ACYP2: variants seen among roughly 807,000 people sequenced by gnomAD.
ACYP2 encodes acylphosphatase-2.
A neutral mutation model predicts 11.2 loss-of-function variants in ACYP2; 12 were observed. That is an observed-to-expected ratio of 1.08 (90% CI 0.69 to 1.74). The LOEUF (loss-of-function observed/expected upper bound fraction) is 1.74, where lower values mean the gene tolerates loss of function less well. ACYP2 is among the 40% of genes most tolerant of loss of function. The pLI, the probability that ACYP2 is intolerant of heterozygous loss-of-function variation, is 0.00. For missense variants in ACYP2, 134 were observed against 101.9 expected (o/e 1.31, Z -1.35); for synonymous variants, 43 against 32.2 (o/e 1.33, Z -1.13).
chr2:54,076,505 C>A (rs1167302299), intron 4 of ACYP2, among the ~76,000 whole-genome samples: 1 of 152,062 alleles, frequency 6.6e-6, no homozygotes, highest in African/African-American at 2.4e-5. Flanking sequence ...ACTAAATAAT[C>A]TACCCAGACA....
chr2:54,136,397 C>G (rs529023893), intron 5 of ACYP2, among the ~76,000 whole-genome samples: 3 of 152,236 alleles, frequency 2.0e-5, no homozygotes, highest in Admixed American at 6.5e-5. Flanking sequence ...TTTTCACCTA[C>G]TATCTGAGGT....
At chr2:54,255,847 G>T (rs1687489995) in intron 6 of ACYP2, 1 of 1,614,054 alleles carries the variant, frequency 6.2e-7, no homozygotes. Context: ...CAGCGAGGCA[G>T]AGGCCGCTTC....
intron 6 of ACYP2, among the ~76,000 whole-genome samples, chr2:54,207,261 A>G (rs1685117102): frequency 6.7e-6 from 1 of 149,428 alleles, no homozygotes; most frequent in Non-Finnish European, 1.5e-5. Flanking sequence ...GCAAGTTGGA[A>G]TTTGTAGGGA....
chr2:54,299,568 G>T (rs1277106394), intron 6 of ACYP2, among the ~76,000 whole-genome samples: 2 of 150,186 alleles, frequency 1.3e-5, no homozygotes, highest in South Asian at 4.3e-4. Flanking sequence ...CTCCAGCCTG[G>T]GCGACAGAGC....
At chr2:53,999,180 C>T (rs143753849) in intron 2 of ACYP2, among the ~76,000 whole-genome samples, 1 of 152,260 alleles carries the variant, frequency 6.6e-6, no homozygotes, top group East Asian at 1.9e-4. Flanking sequence ...TTTTTAATAG[C>T]CCCAAAACTT....
chr2:54,237,221 A>G (rs1191452697), intron 6 of ACYP2, among the ~76,000 whole-genome samples: 1 of 152,222 alleles, frequency 6.6e-6, no homozygotes, highest in African/African-American at 2.4e-5. Flanking sequence ...CCACATGGAT[A>G]CCTGAAGGCC....
rs201390662 is a variant in ACYP2, at chr2:53,973,846, GAT to G, written c.62+45_62+46del. On this transcript the variant is annotated intron_variant, in intron 2 of 6. Transcript: ENST00000607452. ...TAAAAGGAGGGATTTTTGAATGTGGGATATATATATGTGTGTGTGTGTGTGTG... is the reference window on the plus strand; with the variant it reads ...TAAAAGGAGGGATTTTTGAATGTGGGATATATATGTGTGTGTGTGTGTGTG... 737 of 153,408 alleles carry G rather than the reference GAT, an allele frequency of 4.8e-3. 15 individuals are homozygous for G. Among genetic ancestry groups the G allele is most frequent in the African/African-American group, 0.027 (627 of 23,062 alleles). The allele number at this position is 153,408 out of a possible 1,614,324, so 9.5% of individuals were successfully genotyped here.
intron 4 of ACYP2, among the ~76,000 whole-genome samples, chr2:54,073,294 AGGTG>A (rs1677160398): frequency 6.6e-6 from 1 of 151,934 alleles, no homozygotes; most frequent in African/African-American, 2.4e-5. Context: ...TGGGAGGCTG[AGGTG>A]GGAAGATCTC....
At chr2:54,085,718 A>G (rs1193771155) in intron 4 of ACYP2, among the ~76,000 whole-genome samples, 1 of 152,188 alleles carries the variant, frequency 6.6e-6, no homozygotes, top group Non-Finnish European at 1.5e-5. Flanking sequence ...AGAGATAGAG[A>G]TGTGAGACAG....
intron 6 of ACYP2, among the ~76,000 whole-genome samples, chr2:54,194,999 TA>T (rs985702797): frequency 6.6e-6 from 1 of 152,220 alleles, no homozygotes; most frequent in Non-Finnish European, 1.5e-5. Flanking sequence ...TGCATTGACT[TA>T]TTTTTGGTAC....
chr2:54,271,727 C>T lies in ACYP2; in HGVS notation c.405-32961C>T, dbSNP rs532851130. Among the ~76,000 whole-genome samples, 8 of 152,108 alleles carry T rather than the reference C, an allele frequency of 5.3e-5. No individual in the cohort carries two copies. In the South Asian group the frequency reaches 1.7e-3, roughly 32 times the overall value. The stretch of plus-strand genomic sequence containing the variant: ...CTCAGTAAAGTGGTTTTTTCTGTGT[C>T]CCCTCCACCCTTTTTTGTGGCTATG... On this transcript the variant is annotated intron_variant, in intron 6 of 6. Coordinates refer to ENST00000607452, the MANE Select transcript of ACYP2 (RefSeq NM_001320586.2).
chr2:53,972,621 G>T (rs989520416), intron 1 of ACYP2, among the ~76,000 whole-genome samples: 3 of 152,040 alleles, frequency 2.0e-5, no homozygotes, highest in Non-Finnish European at 4.4e-5. Flanking sequence ...AAAAAAAAGA[G>T]TCACTCTGGC....
In ACYP2 at chr2:54,255,921, C is replaced by T. The variant is rs776739294; in HGVS notation, c.405-48767C>T. 8.1e-6 allele frequency: 13 copies of T among 1,614,074 alleles called. No individual in the cohort carries two copies. In the South Asian group the frequency reaches 9.9e-5, roughly 12 times the overall value. ...CTTTGATGGCTCCATGACTGCGACCCGCATCGACCAAGATGTGGAAAGTAT... is the reference window on the plus strand; with the variant it reads ...CTTTGATGGCTCCATGACTGCGACCTGCATCGACCAAGATGTGGAAAGTAT... On this transcript the variant is annotated intron_variant, in intron 6 of 6. Coordinates refer to ENST00000607452, the MANE Select transcript of ACYP2 (RefSeq NM_001320586.2).
intron 4 of ACYP2, among the ~76,000 whole-genome samples, chr2:54,089,996 A>G (rs1678139090): frequency 6.6e-6 from 1 of 151,682 alleles, no homozygotes; most frequent in South Asian, 2.1e-4. Flanking sequence ...AAATACCAAA[A>G]TTAGCAGGGC....
intron 6 of ACYP2, among the ~76,000 whole-genome samples, chr2:54,277,872 A>G (rs1353169797): frequency 6.6e-6 from 1 of 152,152 alleles, no homozygotes; most frequent in African/African-American, 2.4e-5. Flanking sequence ...TCTTCATTGA[A>G]TACTTTAAAA....
chr2:54,064,096 C>T (rs1676615220), intron 4 of ACYP2, among the ~76,000 whole-genome samples: 2 of 152,166 alleles, frequency 1.3e-5, no homozygotes, highest in Admixed American at 6.5e-5. Context: ...GTCCTCCTGC[C>T]TTGGCCTCCC....
At chr2:54,117,951 CCATTGTATCATTCTTT>C (rs1216515292) in intron 4 of ACYP2, among the ~76,000 whole-genome samples, 1 of 152,110 alleles carries the variant, frequency 6.6e-6, no homozygotes, top group African/African-American at 2.4e-5. Context: ...TCCCCAGAAT[CCATTGTATCATTCTTT>C]TATGCCTTTG....
At chr2:54,096,652 G>T (rs544143264) in intron 4 of ACYP2, among the ~76,000 whole-genome samples, 91 of 152,278 alleles carry the variant, frequency 6.0e-4, no homozygotes, top group African/African-American at 2.2e-3. Context: ...CCAACACAGC[G>T]AAACCCCGTC....
chr2:54,206,049 C>T lies in ACYP2; in HGVS notation c.404+67301C>T, dbSNP rs556666920. 5.3e-5 allele frequency among the ~76,000 whole-genome samples: 8 copies of T among 152,280 alleles called. No individual in the cohort carries two copies. In the South Asian group the frequency reaches 1.7e-3, roughly 32 times the overall value. On this transcript the variant is annotated intron_variant, in intron 6 of 6. Coordinates refer to ENST00000607452, the MANE Select transcript of ACYP2 (RefSeq NM_001320586.2). ...AGGATCATTCTGCCTAGTACTGATT[C>T]TGCCTAGTACTGATGCATTCTTTTG...
Sources: allele counts gnomAD v4.1 joint callset (sites outside exome capture counted in the v4.1 genomes callset), GRCh38; gene constraint gnomAD v4.1.1; transcripts MANE v1.5; gene names NCBI Gene and HGNC (gene_info 2026-07-23, HGNC 2026-07-21).